Variants in ZNF195 observed in about 807,000 individuals in gnomAD.
The protein encoded by ZNF195 is zinc finger protein 195, also known as hypoxia-regulated factor-1.
In ZNF195, 11 loss-of-function variants were observed where a neutral mutation model predicts 19.5. The ratio of observed to expected loss-of-function variants is 0.57; its 90% CI spans 0.36 to 0.94. ZNF195 has a LOEUF of 0.94. Among genes scored for constraint, ZNF195 ranks in the 40% least tolerant of loss-of-function variants. ZNF195 has a pLI of 0.01. For missense variants in ZNF195, 582 were observed against 709.0 expected (o/e 0.82, Z 2.03); for synonymous variants, 214 against 248.1 (o/e 0.86, Z 1.29).
At chr11:3,364,571 A>G (rs1057444412) in intron 3 of ZNF195, among the ~76,000 whole-genome samples, 4 of 152,240 alleles carry the variant, frequency 2.6e-5, no homozygotes, top group African/African-American at 9.6e-5. Flanking sequence ...TTTGTATTCA[A>G]TGAAGTTGTG....
intron 5 of ZNF195, 56 bp downstream of exon 5, chr11:3,360,664 G>A: frequency 6.5e-7 from 1 of 1,548,314 alleles, no homozygotes; most frequent in Admixed American, 2.0e-5. Flanking sequence ...TAGCAAAATG[G>A]CATAAAAAAT....
chr11:3,372,308 C>T (rs999908480), intron 1 of ZNF195, among the ~76,000 whole-genome samples: 1 of 152,152 alleles, frequency 6.6e-6, no homozygotes, highest in African/African-American at 2.4e-5. Flanking sequence ...TATTTATGCA[C>T]ATTAATTAGT....
At position 3,360,046 on chromosome 11, in the gene ZNF195, T is replaced by C. The variant is rs1395779555; in HGVS notation, c.962A>G (p.Tyr321Cys). The C allele has an allele frequency of 1.2e-6, 2 of 1,613,992 alleles. No individual in the cohort carries two copies. Among genetic ancestry groups the C allele is most frequent in the Non-Finnish European group, 1.7e-6 (2 of 1,180,044 alleles). ...TCSVLTKNRI[Y>C]AGGEHYRCEE... ...ACATCTGTAATGTTCCCCTCCGGCA[T>C]AAATTCTATTTTTAGTAAGGACTGA... Residue 321 changes from tyrosine (Y) to cysteine (C), a missense_variant, in exon 6 of 6, where the codon TAT (tyrosine) becomes TGT (cysteine). Physicochemically the swap from Tyr to Cys is radical, Grantham distance 194. Around this residue, in one of 3 missense-constraint regions of ZNF195, gnomAD observed 407 missense variants for 530.5 expected, o/e 0.77. Transcript: ENST00000399602.
Position 3,359,696 on chromosome 11 carries a change from A to G in ZNF195, c.1312T>C (p.Tyr438His). ...HKRIHTGEKPYKCDECGKAYT... is the reference protein window; with the variant it reads ...HKRIHTGEKPHKCDECGKAYT... The stretch of plus-strand genomic sequence containing the variant: ...GCTTTCCCACATTCGTCACATTTGT[A>G]TGGTTTCTCACCAGTGTGAATTCTC... The change falls in exon 6 of 6, where the codon TAC (tyrosine) becomes CAC (histidine). Residue 438 changes from tyrosine to histidine, a missense_variant. Tyr to His is a moderately conservative substitution (Grantham distance 83). This residue lies in a region of ZNF195 where 407 missense variants were observed against 530.5 expected (regional missense o/e 0.77). Coordinates refer to ENST00000399602, the MANE Select transcript of ZNF195 (RefSeq NM_001130520.3). This position sits in a 1 kb window ranked among gnomAD's most constrained non-coding sequence, Gnocchi z 5.5. 6.2e-7 allele frequency: 1 copy of G among 1,614,152 alleles called. No individual in the cohort carries two copies. Among genetic ancestry groups the G allele is most frequent in the South Asian group, 1.1e-5 (1 of 91,088 alleles).
intron 4 of ZNF195, 49 bp downstream of exon 4, chr11:3,361,694 T>G: frequency 1.5e-6 from 2 of 1,292,588 alleles, no homozygotes; most frequent in African/African-American, 3.1e-5. Flanking sequence ...GAGAAAAGAA[T>G]CCTGAAAGCA....
At position 3,360,797 on chromosome 11, in the gene ZNF195, C is replaced by A. The variant is rs1291077965; in HGVS notation, c.374-9G>T. ...CCCAGGTGAGCACAGTGCTAGGAGCCAGATAAGAAGAAAAACAGTCTGTTA... is the reference window on the plus strand; with the variant it reads ...CCCAGGTGAGCACAGTGCTAGGAGCAAGATAAGAAGAAAAACAGTCTGTTA... On this transcript the variant is annotated splice_polypyrimidine_tract_variant and intron_variant, in intron 4 of 5. Transcript: ENST00000399602. 1 of 1,550,184 alleles carries A rather than the reference C, an allele frequency of 6.5e-7. No individual in the cohort carries two copies. Among genetic ancestry groups the A allele is most frequent in the African/African-American group, 1.4e-5 (1 of 72,906 alleles).
rs1237164329 is a variant in ZNF195, at chr11:3,360,313, TG to T, written c.694del (p.His232IlefsTer5). ...TCCAGTATTACTTATATTACGTCTA[TG>T]TAAATTTGAAAAGTTATCAAAGATT... ...VKIFDNFSNL[H>X]RRNISNTGEK... On this transcript the variant is annotated frameshift_variant, in exon 6 of 6. Transcript: ENST00000399602. LOFTEE classifies it low-confidence loss of function (END_TRUNC). The T allele has an allele frequency of 2.6e-5, 41 of 1,604,630 alleles. No homozygotes were observed. The highest frequency in any genetic ancestry group is 3.4e-5 in the Non-Finnish European group (40 of 1,174,372).
At position 3,359,691 on chromosome 11, in the gene ZNF195, T is replaced by C. The variant is rs373244773; in HGVS notation, c.1317A>G (p.Lys439=). ...TATAGGCTTTCCCACATTCGTCACA[T>C]TTGTATGGTTTCTCACCAGTGTGAA... ...KRIHTGEKPY[K]CDECGKAYTQ... The change falls in exon 6 of 6, where the codon AAA becomes AAG. Residue 439 remains lysine, a synonymous_variant. Coordinates refer to ENST00000399602, the MANE Select transcript of ZNF195 (RefSeq NM_001130520.3). The surrounding 1 kb of genome is among the most constrained non-coding windows in gnomAD (Gnocchi z 5.5). The C allele has an allele frequency of 6.2e-7, 1 of 1,614,082 alleles. No homozygotes were observed. The highest frequency in any genetic ancestry group is 8.5e-7 in the Non-Finnish European group (1 of 1,180,040).
chr11:3,366,239 G>A lies in ZNF195; in HGVS notation c.227-4350C>T, dbSNP rs558257304. Among the ~76,000 whole-genome samples, 532 of 147,594 alleles carry A rather than the reference G, an allele frequency of 3.6e-3. 3 individuals are homozygous for A. The highest frequency in any genetic ancestry group is 0.013 in the African/African-American group (512 of 40,142). On this transcript the variant is annotated intron_variant, in intron 3 of 5. Coordinates refer to ENST00000399602, the MANE Select transcript of ZNF195 (RefSeq NM_001130520.3). ...AGATCGCACCACTGCACTCCAGCCTGGGCGACAGAGCAAGACTCCATCTCA... is the reference window on the plus strand; with the variant it reads ...AGATCGCACCACTGCACTCCAGCCTAGGCGACAGAGCAAGACTCCATCTCA...
At chr11:3,366,019 AG>A (rs1375473241) in intron 3 of ZNF195, among the ~76,000 whole-genome samples, 1 of 152,124 alleles carries the variant, frequency 6.6e-6, no homozygotes, top group Non-Finnish European at 1.5e-5. Context: ...GCACTTTGGG[AG>A]GCCGAGGCGG....
At position 3,359,034 on chromosome 11, in the gene ZNF195, T is replaced by C; in HGVS notation, c.*84A>G. The C allele has an allele frequency of 7.1e-7, 1 of 1,417,632 alleles. No homozygotes were observed. The highest frequency in any genetic ancestry group is 9.3e-7 in the Non-Finnish European group (1 of 1,078,788). The allele number at this position is 1,417,632 out of a possible 1,614,324, so 87.8% of individuals were successfully genotyped here. A position where few individuals can be genotyped will look rare whatever the true frequency, so the allele number is the denominator to read the frequency against. On this transcript the variant is annotated 3_prime_UTR_variant, in exon 6 of 6. Transcript: ENST00000399602. This position sits in a 1 kb window ranked among gnomAD's most constrained non-coding sequence, Gnocchi z 5.5. ...AATAGTAATTACATTTATGATAACT[T>C]TATTAAGTCTGAACTCTGATGTAAA...
Position 3,359,388 on chromosome 11 carries a change from A to T in ZNF195, c.1620T>A (p.His540Gln). ...NFTQSSNLIV[H>Q]KRIHTGEKPY... ...GTTTCTCTCCAGTATGAATTCTCTT[A>T]TGTACAATAAGGTTGGAGGACTGGG... is the stretch of plus-strand genomic sequence containing the variant. The change falls in exon 6 of 6, where the codon CAT (histidine) becomes CAA (glutamine). Residue 540 changes from histidine to glutamine, a missense_variant. Transcript: ENST00000399602. This position sits in a 1 kb window ranked among gnomAD's most constrained non-coding sequence, Gnocchi z 5.5. 6.2e-7 allele frequency: 1 copy of T among 1,614,086 alleles called. No homozygotes were observed. Among genetic ancestry groups the T allele is most frequent in the Non-Finnish European group, 8.5e-7 (1 of 1,180,012 alleles).
intron 3 of ZNF195, among the ~76,000 whole-genome samples, chr11:3,363,928 A>C (rs904034604): frequency 4.6e-5 from 7 of 152,248 alleles, no homozygotes; most frequent in African/African-American, 1.7e-4. Flanking sequence ...ACTATGATCT[A>C]AACTAACATA....
At chr11:3,367,571 G>A (rs751924038) in intron 3 of ZNF195, among the ~76,000 whole-genome samples, 1 of 152,026 alleles carries the variant, frequency 6.6e-6, no homozygotes, top group Non-Finnish European at 1.5e-5. Flanking sequence ...TTTATTATAT[G>A]TTTACTATAC....
chr11:3,373,976 C>CA (rs1834094858), intron 1 of ZNF195, among the ~76,000 whole-genome samples: 3 of 152,206 alleles, frequency 2.0e-5, no homozygotes, highest in Admixed American at 6.5e-5. Flanking sequence ...GAGCTCAACT[C>CA]GTACAAATGC....
At chr11:3,365,613 CT>C (rs1470078977) in intron 3 of ZNF195, among the ~76,000 whole-genome samples, 1 of 152,192 alleles carries the variant, frequency 6.6e-6, no homozygotes. Flanking sequence ...CCCAAAGCTA[CT>C]TTTTGATTTT....
chr11:3,359,661 CTG>C lies in ZNF195; in HGVS notation c.1345_1346del (p.Gln449ValfsTer6). 5.6e-6 allele frequency: 9 copies of C among 1,614,130 alleles called. No individual in the cohort carries two copies. The highest frequency in any genetic ancestry group is 7.6e-6 in the Non-Finnish European group (9 of 1,180,010). On this transcript the variant is annotated frameshift_variant, in exon 6 of 6. Coordinates refer to ENST00000399602, the MANE Select transcript of ZNF195 (RefSeq NM_001130520.3). LOFTEE classifies it low-confidence loss of function (END_TRUNC). The surrounding 1 kb of genome is among the most constrained non-coding windows in gnomAD (Gnocchi z 5.5). Reference protein sequence around the residue: ...KCDECGKAYTQSSHLSEHRRI... With the variant: ...KCDECGKAYTXSSHLSEHRRI... ...TCCTGTGTTCACTGAGGTGTGAGGA[CTG>C]TGTATAGGCTTTCCCACATTCGTCA...
intron 3 of ZNF195, among the ~76,000 whole-genome samples, chr11:3,365,532 T>C (rs559804181): frequency 6.6e-6 from 1 of 152,368 alleles, no homozygotes; most frequent in South Asian, 2.1e-4. Flanking sequence ...AATGGTCAGA[T>C]AATTTAGTTT....
In ZNF195 at chr11:3,375,486, T is replaced by C. The variant is rs371516077; in HGVS notation, c.3+3552A>G. ...GTCTGAATATCCCTTCAATATGACA[T>C]CAGAACTCACAACAACCACATCAGG... On this transcript the variant is annotated intron_variant, in intron 1 of 5. Transcript: ENST00000399602. 10 of 152,228 alleles carry C rather than the reference T, an allele frequency of 6.6e-5. No individual in the cohort carries two copies. The East Asian group carries it at 7.7e-4, about 12-fold the overall frequency. The allele number at this position is 152,228 out of a possible 1,614,324, so 9.4% of individuals were successfully genotyped here.
Sources: allele counts gnomAD v4.1 joint callset (sites outside exome capture counted in the v4.1 genomes callset), GRCh38; gene constraint gnomAD v4.1.1; regional missense constraint gnomAD v4.1.1; non-coding constraint Gnocchi (gnomAD v3.1); transcripts MANE v1.5; gene names NCBI Gene and HGNC (gene_info 2026-07-23, HGNC 2026-07-21).